The following DPY19L1 variants were observed in gnomAD, a reference collection of about 807,000 sequenced individuals.
The protein encoded by DPY19L1 is dpy-19 like C-mannosyltransferase 1.
DPY19L1 carries 35 observed loss-of-function variants against 96.9 expected under a neutral mutation model. That is an observed-to-expected ratio of 0.36 (90% confidence interval 0.28 to 0.48). The LOEUF is 0.48. Among genes scored for constraint, DPY19L1 ranks in the 20% least tolerant of loss-of-function variants. DPY19L1 has a pLI of 0.99. For synonymous variants in DPY19L1, 205 were observed against 252.6 expected (o/e 0.81, Z 1.79); for missense variants, 521 against 777.9 (o/e 0.67, Z 3.93).
In DPY19L1 at chr7:34,949,898, C is replaced by T; in HGVS notation, c.1321G>A (p.Ala441Thr). 6.6e-7 allele frequency: 1 copy of T among 1,517,220 alleles called. No individual in the cohort carries two copies. The highest frequency in any genetic ancestry group is 1.4e-5 in the African/African-American group (1 of 71,444). 94.0% of individuals were successfully genotyped at this position (1,517,220 alleles called of 1,614,324 possible). A position where few individuals can be genotyped will look rare whatever the true frequency, so the allele number is the denominator to read the frequency against. The stretch of plus-strand genomic sequence containing the variant: ...GATGTTAGTAAGTTGCCAATATGAG[C>T]CTGGTAAGAAATAAAGTTACCATTA... ...TSKIFGIADD[A>T]HIGNLLTSKF... is the part of the protein sequence containing the mutation. The change falls in exon 14 of 22, where the codon GCT becomes ACT. Residue 441 changes from alanine (A) to threonine (T), a missense_variant and splice_region_variant. Ala to Thr is a moderately conservative substitution (Grantham distance 58). Transcript: ENST00000638088.
intron 1 of DPY19L1, among the ~76,000 whole-genome samples, chr7:35,025,718 G>A (rs1459595713): frequency 6.6e-6 from 1 of 152,106 alleles, no homozygotes; most frequent in Non-Finnish European, 1.5e-5. Context: ...AGTACATCAG[G>A]CTTTCAGCAC....
chr7:35,035,088 A>G (rs1450239782), intron 1 of DPY19L1, among the ~76,000 whole-genome samples: 1 of 152,226 alleles, frequency 6.6e-6, no homozygotes, highest in African/African-American at 2.4e-5. Context: ...AGCCAGAGAA[A>G]GAAGCAACCC....
intron 1 of DPY19L1, among the ~76,000 whole-genome samples, chr7:35,030,320 A>C (rs1367573163): frequency 6.6e-6 from 1 of 152,248 alleles, no homozygotes; most frequent in Non-Finnish European, 1.5e-5. Context: ...CGCTCTTCTC[A>C]ATTACAACAA....
intron 7 of DPY19L1, among the ~76,000 whole-genome samples, chr7:34,974,949 GC>G (rs1296151450): frequency 6.6e-6 from 1 of 152,098 alleles, no homozygotes; most frequent in Non-Finnish European, 1.5e-5. Flanking sequence ...TGCCTTAGGT[GC>G]CTTGAACCAT....
At chr7:34,999,658 G>T (rs897021748) in intron 6 of DPY19L1, among the ~76,000 whole-genome samples, 4 of 152,192 alleles carry the variant, frequency 2.6e-5, no homozygotes, top group African/African-American at 9.6e-5. Flanking sequence ...GGCCCCAGGG[G>T]ATAGGAGTGG....
chr7:35,001,982 G>T (rs1785436504), intron 6 of DPY19L1, among the ~76,000 whole-genome samples: 1 of 151,852 alleles, frequency 6.6e-6, no homozygotes, highest in Admixed American at 6.6e-5. Flanking sequence ...AAAATTGGCT[G>T]GGTGTGGTGG....
At chr7:35,027,040 C>CA (rs1437336662) in intron 1 of DPY19L1, among the ~76,000 whole-genome samples, 1 of 151,940 alleles carries the variant, frequency 6.6e-6, no homozygotes, top group African/African-American at 2.4e-5. Context: ...ACTAAAAATA[C>CA]AAAAAATTTA....
At chr7:34,983,294 G>C (rs184842289) in intron 7 of DPY19L1, among the ~76,000 whole-genome samples, 27 of 151,864 alleles carry the variant, frequency 1.8e-4, no homozygotes, top group Admixed American at 1.7e-3. Context: ...CCATTATCAA[G>C]AGAAAAAAAA....
intron 7 of DPY19L1, among the ~76,000 whole-genome samples, chr7:34,983,529 A>G (rs1478956567): frequency 2.2e-5 from 3 of 138,568 alleles, no homozygotes; most frequent in African/African-American, 7.8e-5. Context: ...GAGGGAAGAA[A>G]GGAAGGCAAG....
chr7:34,956,973 G>A (rs1784391828), intron 11 of DPY19L1, among the ~76,000 whole-genome samples: 1 of 152,124 alleles, frequency 6.6e-6, no homozygotes. Context: ...AAGTCACAGG[G>A]AAACTAAAGC....
At chr7:35,018,656 A>G in intron 1 of DPY19L1, 60 bp from the exon 2 acceptor site, 1 of 1,444,654 alleles carries the variant, frequency 6.9e-7, no homozygotes, top group Admixed American at 1.8e-5. Context: ...TCTTACAGAA[A>G]AGCCATTTCA....
chr7:35,036,900 AG>A (rs1786417255), intron 1 of DPY19L1, among the ~76,000 whole-genome samples, 196 bp downstream of exon 1: 1 of 151,658 alleles, frequency 6.6e-6, no homozygotes, highest in African/African-American at 2.4e-5. Flanking sequence ...GAGCTGAGCC[AG>A]GGAGTTGCGG....
In DPY19L1 at chr7:34,957,584, G is replaced by A. The variant is rs561041884; in HGVS notation, c.1179+400C>T. Among the ~76,000 whole-genome samples the A allele has an allele frequency of 4.0e-4, 61 of 151,536 alleles. 1 individual carries two copies. The South Asian group carries it at 7.9e-3, about 20-fold the overall frequency. ...TGAATAGTCCATACAAGTAGACAAGGGGCAAAAAACAAAACAAGAAAAACA... is the reference window on the plus strand; with the variant it reads ...TGAATAGTCCATACAAGTAGACAAGAGGCAAAAAACAAAACAAGAAAAACA... On this transcript the variant is annotated intron_variant, in intron 11 of 21. Transcript: ENST00000638088.
At chr7:35,005,631 T>C (rs1051013169) in intron 6 of DPY19L1, among the ~76,000 whole-genome samples, 2 of 114,888 alleles carry the variant, frequency 1.7e-5, no homozygotes, top group Admixed American at 1.1e-4. Flanking sequence ...AAACCCTGTC[T>C]CTACTAAAAA....
intron 6 of DPY19L1, among the ~76,000 whole-genome samples, chr7:34,999,053 T>C (rs1445791144): frequency 1.3e-5 from 2 of 152,136 alleles, no homozygotes; most frequent in Non-Finnish European, 2.9e-5. Flanking sequence ...GAGAAGAGAA[T>C]GTCATTAGGG....
Position 34,949,834 on chromosome 7 carries a change from T to C in DPY19L1, c.1385A>G (p.Tyr462Cys), listed in dbSNP as rs1223954946. The change falls in exon 14 of 22, where the codon TAT becomes TGT. Residue 462 changes from tyrosine to cysteine, a missense_variant. Tyr to Cys is a radical substitution (Grantham distance 194). Transcript: ENST00000638088. The part of the protein sequence containing the change: ...FSYKDFDTLL[Y>C]TCAAEFDFME... ...AAAGTCAAACTCCGCTGCACAGGTA[T>C]ACAATAAAGTATCAAAATCCTTATA... 1 of 1,603,014 alleles carries C rather than the reference T, an allele frequency of 6.2e-7. No individual in the cohort carries two copies. The highest frequency in any genetic ancestry group is 1.3e-5 in the African/African-American group (1 of 74,284).
chr7:35,007,696 A>AT (rs200010541), intron 6 of DPY19L1, among the ~76,000 whole-genome samples: 3,804 of 150,914 alleles, frequency 0.025, 117 homozygotes, highest in Admixed American at 0.088. Context: ...ACTTTGCAGC[A>AT]TTTTTTTTTC....
At chr7:34,964,460 TCTAA>T (rs1228071169) in intron 10 of DPY19L1, among the ~76,000 whole-genome samples, 3 of 152,152 alleles carry the variant, frequency 2.0e-5, no homozygotes, top group African/African-American at 7.2e-5. Context: ...ATAATTACTG[TCTAA>T]CTCATTCATG....
rs1637696 is a variant in DPY19L1 at position 34,940,293 on chromosome 7, C to A, written c.1724G>T (p.Gly575Val). 0.31 allele frequency: 490,414 copies of A among 1,606,484 alleles called. 76,808 individuals carry two copies. Among genetic ancestry groups the A allele is most frequent in the Non-Finnish European group, 0.33 (385,782 of 1,178,326 alleles). ...TGCTAATATAGCAAACACAATAGCACCAGGATGTACTTTGCAAAAGAGCCA... is the reference window on the plus strand; with the variant it reads ...TGCTAATATAGCAAACACAATAGCAACAGGATGTACTTTGCAAAAGAGCCA... ...FGWLFCKVHP[G>V]AIVFAILAAM... The change falls in exon 19 of 22, where the codon GGT becomes GTT. Residue 575 changes from glycine to valine, a missense_variant. Physicochemically the swap from Gly to Val is moderately radical, Grantham distance 109. Transcript: ENST00000638088.
Sources: gnomAD v4.1 joint callset for allele counts (sites outside exome capture counted in the v4.1 genomes callset) on GRCh38, gnomAD v4.1.1 for gene constraint, MANE v1.5 for transcripts, NCBI Gene and HGNC (gene_info 2026-07-23, HGNC 2026-07-21) for gene names.